The following ROBO1 variants were observed in gnomAD, a reference collection of about 807,000 sequenced individuals.
The protein encoded by ROBO1 is roundabout homolog 1.
A neutral mutation model predicts 195.9 loss-of-function variants in ROBO1; 149 were observed. The observed-to-expected ratio is 0.76, with a 90% CI of 0.67 to 0.87. The LOEUF (loss-of-function observed/expected upper bound fraction) is 0.87. ROBO1 is among the 40% of genes least tolerant of loss of function. The pLI is 0.00. For synonymous variants in ROBO1, 816 were observed against 733.2 expected (o/e 1.11, Z -1.82); for missense variants, 1,933 against 2,068.3 (o/e 0.93, Z 1.27).
At chr3:78,864,033 T>C (rs2107039793) in intron 4 of ROBO1, among the ~76,000 whole-genome samples, 1 of 152,346 alleles carries the variant, frequency 6.6e-6, no homozygotes, top group Admixed American at 6.5e-5. Flanking sequence ...TCAGATAGCT[T>C]GCTTGCTGCT....
chr3:78,852,387 G>A lies in ROBO1; in HGVS notation c.499+86214C>T, dbSNP rs189402536. On this transcript the variant is annotated intron_variant, in intron 4 of 30. Coordinates refer to ENST00000464233, the MANE Select transcript of ROBO1 (RefSeq NM_002941.4). ...TGTCAGTTCTACTTTCTGTAGTGTAGTGTGTTATAACAACTCTTATTAAAT... is the reference window on the plus strand; with the variant it reads ...TGTCAGTTCTACTTTCTGTAGTGTAATGTGTTATAACAACTCTTATTAAAT... Among the ~76,000 whole-genome samples, 489 of 152,160 alleles carry A rather than the reference G, an allele frequency of 3.2e-3. 3 individuals carry two copies. The highest frequency in any genetic ancestry group is 0.017 in the Middle Eastern group (5 of 294).
chr3:78,936,940 G>C (rs1253406349), intron 4 of ROBO1, among the ~76,000 whole-genome samples: 2 of 152,072 alleles, frequency 1.3e-5, no homozygotes, highest in Non-Finnish European at 2.9e-5. Context: ...CCTTTACTGA[G>C]AATCAAGACA....
At chr3:79,230,563 A>C (rs1400547042) in intron 2 of ROBO1, among the ~76,000 whole-genome samples, 1 of 152,176 alleles carries the variant, frequency 6.6e-6, no homozygotes, top group Non-Finnish European at 1.5e-5. Context: ...AGGGAGGTGC[A>C]AGATCTCCAT....
At chr3:78,728,459 A>T (rs1311374296) in intron 5 of ROBO1, among the ~76,000 whole-genome samples, 2 of 52 alleles carry the variant, frequency 0.038, no homozygotes, top group Non-Finnish European at 0.036. Context: ...CTAGGTTATA[A>T]AAAAAAAAAA....
At chr3:78,898,278 A>C (rs2037361049) in intron 4 of ROBO1, among the ~76,000 whole-genome samples, 1 of 149,912 alleles carries the variant, frequency 6.7e-6, no homozygotes, top group Non-Finnish European at 1.5e-5. Context: ...TTAATTTTTT[A>C]TGCTCTCAAA....
At chr3:79,702,598 C>T (rs888125472) in intron 1 of ROBO1, among the ~76,000 whole-genome samples, 5 of 151,808 alleles carry the variant, frequency 3.3e-5, no homozygotes, top group African/African-American at 1.2e-4. Flanking sequence ...TCACACGAAT[C>T]TAAGAGATAG....
At chr3:79,541,457 A>G (rs1942062799) in intron 2 of ROBO1, among the ~76,000 whole-genome samples, 1 of 152,100 alleles carries the variant, frequency 6.6e-6, no homozygotes, top group African/African-American at 2.4e-5. Flanking sequence ...GAAGGGAATG[A>G]GGCTAGAAGC....
chr3:78,653,690 G>A (rs999478316), intron 18 of ROBO1, among the ~76,000 whole-genome samples: 2 of 152,174 alleles, frequency 1.3e-5, no homozygotes, highest in Admixed American at 6.5e-5. Context: ...ACACTGGGAG[G>A]TTTTAACCTT....
chr3:79,231,646 C>A (rs2082323269), intron 2 of ROBO1, among the ~76,000 whole-genome samples: 1 of 152,156 alleles, frequency 6.6e-6, no homozygotes, highest in African/African-American at 2.4e-5. Flanking sequence ...TTGTAGAAGA[C>A]AATGTGGCGA....
chr3:79,362,985 C>CTA (rs2035827616), intron 2 of ROBO1, among the ~76,000 whole-genome samples: 1 of 152,110 alleles, frequency 6.6e-6, no homozygotes, highest in African/African-American at 2.4e-5. Flanking sequence ...ACACTTTCTC[C>CTA]TAGTCAGATT....
chr3:79,021,532 G>C (rs1359728015), intron 3 of ROBO1, among the ~76,000 whole-genome samples: 2 of 151,862 alleles, frequency 1.3e-5, no homozygotes, highest in African/African-American at 4.8e-5. Flanking sequence ...AAGTTTGCTC[G>C]TATCTCTCAA....
At chr3:79,352,561 G>A (rs866516094) in intron 2 of ROBO1, among the ~76,000 whole-genome samples, 6 of 152,106 alleles carry the variant, frequency 3.9e-5, no homozygotes, top group African/African-American at 7.2e-5. Flanking sequence ...TTAATCACAC[G>A]TAGAGCTTCA....
chr3:79,303,980 A>T lies in ROBO1; in HGVS notation c.89-178441T>A, dbSNP rs202094837. On this transcript the variant is annotated intron_variant, in intron 2 of 30. Transcript: ENST00000464233. ...CAAATGTTCTCATGAAAAGCACACA[A>T]TGCTTCTAAAAAAATAGTGAACAAA... Among the ~76,000 whole-genome samples, 13 of 152,334 alleles carry T rather than the reference A, an allele frequency of 8.5e-5. No individual in the cohort carries two copies. The East Asian group carries it at 2.5e-3, about 29-fold the overall frequency.
At chr3:79,235,759 A>G (rs1177196049) in intron 2 of ROBO1, among the ~76,000 whole-genome samples, 1 of 152,018 alleles carries the variant, frequency 6.6e-6, no homozygotes, top group Non-Finnish European at 1.5e-5. Flanking sequence ...TTGCAGACAA[A>G]TCTCCATATC....
At chr3:79,414,033 C>G (rs2037892706) in intron 2 of ROBO1, among the ~76,000 whole-genome samples, 1 of 152,084 alleles carries the variant, frequency 6.6e-6, no homozygotes, top group African/African-American at 2.4e-5. Context: ...CCTCGAAATA[C>G]CTTTTTCCCA....
intron 2 of ROBO1, among the ~76,000 whole-genome samples, chr3:79,185,242 C>T (rs953763511): frequency 1.3e-5 from 2 of 152,100 alleles, no homozygotes; most frequent in Non-Finnish European, 2.9e-5. Flanking sequence ...CTCTATCTCT[C>T]CAGGTGTCTT....
At chr3:79,300,577 T>C (rs1160019889) in intron 2 of ROBO1, among the ~76,000 whole-genome samples, 8 of 152,182 alleles carry the variant, frequency 5.3e-5, no homozygotes, top group Middle Eastern at 3.4e-3. Context: ...CCCAGTCCCA[T>C]CGACCACCCA....
chr3:79,005,414 A>G (rs760535165), intron 3 of ROBO1, among the ~76,000 whole-genome samples: 12 of 152,232 alleles, frequency 7.9e-5, no homozygotes, highest in Admixed American at 1.3e-4. Flanking sequence ...AGGATGAATC[A>G]TTCAGACACA....
chr3:79,575,653 C>T (rs1424643281), intron 2 of ROBO1, among the ~76,000 whole-genome samples: 2 of 148,856 alleles, frequency 1.3e-5, no homozygotes. Flanking sequence ...GAAAATTCTC[C>T]TTATACCAAG....
Sources: allele counts gnomAD v4.1 joint callset (sites outside exome capture counted in the v4.1 genomes callset), GRCh38; gene constraint gnomAD v4.1.1; transcripts MANE v1.5; gene names NCBI Gene and HGNC (gene_info 2026-07-23, HGNC 2026-07-21).